STX2: variants seen among roughly 807,000 people sequenced by gnomAD.
The protein encoded by STX2 is syntaxin 2.
A neutral mutation model predicts 40.6 loss-of-function variants in STX2; 27 were observed. That is an observed-to-expected ratio of 0.66 (90% CI 0.49 to 0.92). The LOEUF is 0.92. Among genes scored for constraint, STX2 ranks in the 40% least tolerant of loss-of-function variants. STX2 has a pLI of 0.00. For missense variants in STX2, 328 were observed against 366.1 expected (o/e 0.90, Z 0.85); for synonymous variants, 123 against 119.1 (o/e 1.03, Z -0.22).
chr12:130,839,124 C>A lies in STX2; in HGVS notation c.-25G>T. On this transcript the variant is annotated 5_prime_UTR_variant, in exon 1 of 11. Transcript: ENST00000392373. ...TCCCCGCCGGCCGGGCAGCGCGCCC[C>A]GCCGCTCAAGCCTGTCCCGAGCTGC... The A allele has an allele frequency of 1.6e-6, 2 of 1,257,118 alleles. No homozygotes were observed. The highest frequency in any genetic ancestry group is 1.0e-6 in the Non-Finnish European group (1 of 1,000,600). The allele number at this position is 1,257,118 out of a possible 1,614,324, so 77.9% of individuals were successfully genotyped here. A position where few individuals can be genotyped will look rare whatever the true frequency, so the allele number is the denominator to read the frequency against.
rs1951455139 is a variant in STX2, at chr12:130,806,889, A to G, written c.463+93T>C. On this transcript the variant is annotated intron_variant, in intron 6 of 10. Coordinates refer to ENST00000392373, the MANE Select transcript of STX2 (RefSeq NM_194356.4). ...TTTTACACTATTGGTGAAAATAGACATGGATTTCCTTTTCTGAAGTTAAAG... is the reference window on the plus strand; with the variant it reads ...TTTTACACTATTGGTGAAAATAGACGTGGATTTCCTTTTCTGAAGTTAAAG... 14 of 1,201,128 alleles carry G rather than the reference A, an allele frequency of 1.2e-5. No homozygotes were observed. In the East Asian group the frequency reaches 3.3e-4, roughly 28 times the overall value. 74.4% of individuals were successfully genotyped at this position (1,201,128 alleles called of 1,614,324 possible).
intron 2 of STX2, among the ~76,000 whole-genome samples, chr12:130,826,455 C>T (rs1001526357): frequency 4.6e-5 from 7 of 152,182 alleles, no homozygotes; most frequent in African/African-American, 1.2e-4. Context: ...GAGAAGTGGC[C>T]GCCCACCAGC....
At chr12:130,833,448 T>C in intron 1 of STX2, among the ~76,000 whole-genome samples, 1 of 151,332 alleles carries the variant, frequency 6.6e-6, no homozygotes, top group African/African-American at 2.4e-5. Context: ...TCCCACTCTG[T>C]TAGCCAGGCT....
chr12:130,818,185 A>AAAAAAAATAATATAT, intron 3 of STX2, among the ~76,000 whole-genome samples: 1 of 70,588 alleles, frequency 1.4e-5, no homozygotes, highest in Non-Finnish European at 2.3e-5. Flanking sequence ...AAAAAAAAAA[A>AAAAAAAATAATATAT]ATATATATAT....
chr12:130,822,115 AG>A (rs1952138935), intron 2 of STX2, among the ~76,000 whole-genome samples: 1 of 152,206 alleles, frequency 6.6e-6, no homozygotes, highest in Admixed American at 6.5e-5. Context: ...CAGTATAACC[AG>A]GAAGTAAGCC....
At chr12:130,793,345 C>A (rs1192755450) in intron 10 of STX2, among the ~76,000 whole-genome samples, 1 of 152,170 alleles carries the variant, frequency 6.6e-6, no homozygotes, top group Non-Finnish European at 1.5e-5. Context: ...CCTAGAGAAA[C>A]CTCTTCTTCC....
chr12:130,811,815 T>C (rs896418497), intron 4 of STX2, among the ~76,000 whole-genome samples: 20 of 152,276 alleles, frequency 1.3e-4, no homozygotes, highest in Middle Eastern at 3.4e-3. Context: ...GCTGGGATTA[T>C]AGGCGTGAGC....
At chr12:130,792,010 G>A (rs200204443) in intron 10 of STX2, 33 bp from the exon 11 acceptor site, 3 of 1,464,278 alleles carry the variant, frequency 2.0e-6, no homozygotes, top group African/African-American at 2.8e-5. Context: ...AATTTGCAAT[G>A]TATCAAAGAA....
intron 1 of STX2, among the ~76,000 whole-genome samples, chr12:130,830,319 A>G (rs957532818): frequency 1.3e-5 from 2 of 152,152 alleles, no homozygotes; most frequent in East Asian, 3.9e-4. Flanking sequence ...TGACCGTCCC[A>G]TGCTGTGTGA....
In STX2 at chr12:130,797,157, C is replaced by T. The variant is rs182092247; in HGVS notation, c.787-1037G>A. The stretch of plus-strand genomic sequence containing the variant: ...ACCTCACAGAGCCAGGCTTGCTCAT[C>T]CACAGAGGAGAATGAAAACGTATCA... On this transcript the variant is annotated intron_variant, in intron 9 of 10. Transcript: ENST00000392373. Among the ~76,000 whole-genome samples, 172 of 152,318 alleles carry T rather than the reference C, an allele frequency of 1.1e-3. 1 individual carries two copies. Among genetic ancestry groups the T allele is most frequent in the African/African-American group, 3.8e-3 (158 of 41,566 alleles).
At position 130,801,145 on chromosome 12, in the gene STX2, G is replaced by C; in HGVS notation, c.675+8C>G. On this transcript the variant is annotated splice_region_variant and intron_variant, in intron 8 of 10. Transcript: ENST00000392373. ...TCTCTCTTGGAGAATGCAAGAGTCT[G>C]TAACTACCTGAGTCTCCACAAACAT... 6.2e-7 allele frequency: 1 copy of C among 1,608,538 alleles called. No individual in the cohort carries two copies. The highest frequency in any genetic ancestry group is 8.5e-7 in the Non-Finnish European group (1 of 1,176,254).
rs112430984 is a variant in STX2 at position 130,831,580 on chromosome 12, G to A, written c.31-4313C>T. ...CTTGAGCCAGGAGACTGAGGCTGTA[G>A]TGAGCAGTGATGGTGCCACTCCAGC... On this transcript the variant is annotated intron_variant, in intron 1 of 10. Transcript: ENST00000392373. Among the ~76,000 whole-genome samples, 667 of 152,252 alleles carry A rather than the reference G, an allele frequency of 4.4e-3. 10 individuals carry two copies. Among genetic ancestry groups the A allele is most frequent in the African/African-American group, 0.015 (644 of 41,550 alleles).
At chr12:130,793,885 C>A (rs1295551337) in intron 10 of STX2, among the ~76,000 whole-genome samples, 1 of 152,222 alleles carries the variant, frequency 6.6e-6, no homozygotes, top group Non-Finnish European at 1.5e-5. Flanking sequence ...AAGATAACTG[C>A]TGGTATTCAT....
intron 3 of STX2, among the ~76,000 whole-genome samples, chr12:130,821,392 G>C (rs1952108055): frequency 6.6e-6 from 1 of 152,166 alleles, no homozygotes; most frequent in South Asian, 2.1e-4. Flanking sequence ...GCTGAACTGT[G>C]GTCTAATCTT....
intron 4 of STX2, chr12:130,810,595 G>A (rs1418754981): frequency 6.6e-6 from 1 of 152,208 alleles, no homozygotes; most frequent in Non-Finnish European, 1.5e-5. Context: ...GGCTGTCACA[G>A]ACAATGAGGG....
At chr12:130,816,026 T>C (rs934419451) in intron 3 of STX2, among the ~76,000 whole-genome samples, 2 of 152,116 alleles carry the variant, frequency 1.3e-5, no homozygotes, top group Non-Finnish European at 1.5e-5. Flanking sequence ...GGCAGGTCCA[T>C]AGTTTGTGGC....
At position 130,827,563 on chromosome 12, in the gene STX2, C is replaced by T. The variant is rs565446235; in HGVS notation, c.31-296G>A. Among the ~76,000 whole-genome samples, 4 of 152,372 alleles carry T rather than the reference C, an allele frequency of 2.6e-5. No homozygotes were observed. In the South Asian group the frequency reaches 8.3e-4, roughly 32 times the overall value. On this transcript the variant is annotated intron_variant, in intron 1 of 10. Coordinates refer to ENST00000392373, the MANE Select transcript of STX2 (RefSeq NM_194356.4). ...TCTCACTATGTAAGTCAATATAACA[C>T]AGGCCAGTTTTACCCTCAAGAAGTG...
At chr12:130,826,241 C>T (rs992706420) in intron 2 of STX2, among the ~76,000 whole-genome samples, 1 of 152,220 alleles carries the variant, frequency 6.6e-6, no homozygotes, top group Non-Finnish European at 1.5e-5. Context: ...GTGGGAGCCA[C>T]GCACACCTGA....
At chr12:130,829,061 C>T (rs1013860687) in intron 1 of STX2, among the ~76,000 whole-genome samples, 8 of 152,012 alleles carry the variant, frequency 5.3e-5, no homozygotes, top group Non-Finnish European at 7.4e-5. Flanking sequence ...AGACCAGGTG[C>T]GTTATCTGTC....
Sources: gnomAD v4.1 joint callset for allele counts (sites outside exome capture counted in the v4.1 genomes callset) on GRCh38, gnomAD v4.1.1 for gene constraint, MANE v1.5 for transcripts, NCBI Gene and HGNC (gene_info 2026-07-23, HGNC 2026-07-21) for gene names.